DRICH1: variants seen among roughly 807,000 people sequenced by gnomAD.
DRICH1 encodes aspartate-rich protein 1.
A neutral mutation model predicts 39.5 loss-of-function variants in DRICH1; 38 were observed. The observed-to-expected ratio is 0.96, with a 90% confidence interval of 0.74 to 1.26. The LOEUF (loss-of-function observed/expected upper bound fraction) is 1.26. Ranked by LOEUF, DRICH1 falls within the 50% of genes most tolerant of loss-of-function variation. The pLI is 0.00. For synonymous variants in DRICH1, 84 were observed against 99.5 expected, an observed-to-expected ratio of 0.84 and a Z score of 0.93; for missense variants, 279 against 270.4, an observed-to-expected ratio of 1.03 and a Z score of -0.22.
At chr22:23,626,109 G>A (rs1293287582) in intron 1 of DRICH1, 61 bp from the exon 2 acceptor site, 10 of 1,177,110 alleles carry the variant, frequency 8.5e-6, no homozygotes, top group Non-Finnish European at 8.9e-6. Flanking sequence ...GTCCCTCAGG[G>A]AGCTTTGCTG....
the DRICH1 span, among the ~76,000 whole-genome samples, chr22:23,599,048 A>G: frequency 2.0e-5 from 3 of 152,220 alleles, no homozygotes; most frequent in African/African-American, 7.2e-5. Flanking sequence ...CACAGAATCC[A>G]TGAGTGGCTC....
chr22:23,622,168 C>T lies in DRICH1; in HGVS notation c.307G>A (p.Glu103Lys). The change falls in exon 4 of 12, where the codon GAG (glutamate) becomes AAG (lysine). Residue 103 changes from glutamate to lysine, a missense_variant. By Grantham distance (56) the Glu-to-Lys change is moderately conservative. Transcript: ENST00000317749. ...ILPSPVQGSS[E>K]DNLSLVCLPR... ...AGGCATACTAAACTCAGGTTGTCCT[C>T]AGAAGAACCTGGAAGGACACAGAGG... 5.0e-6 allele frequency: 8 copies of T among 1,613,902 alleles called. No individual in the cohort carries two copies. The highest frequency in any genetic ancestry group is 5.9e-6 in the Non-Finnish European group (7 of 1,179,804).
At chr22:23,619,993 T>C (rs1331013573) in intron 5 of DRICH1, among the ~76,000 whole-genome samples, 1 of 152,078 alleles carries the variant, frequency 6.6e-6, no homozygotes, top group African/African-American at 2.4e-5. Context: ...CACCAAAGAC[T>C]CTGAGATTTT....
At chr22:23,594,451 T>C in the DRICH1 span, among the ~76,000 whole-genome samples, 1 of 152,174 alleles carries the variant, frequency 6.6e-6, no homozygotes, top group Admixed American at 6.5e-5. Flanking sequence ...GTGCCTGTAA[T>C]CCCAGCTACT....
chr22:23,581,812 G>A, the DRICH1 span, among the ~76,000 whole-genome samples: 4 of 151,696 alleles, frequency 2.6e-5, no homozygotes, highest in Non-Finnish European at 5.9e-5. Context: ...CACCATGTTG[G>A]CCAGGCTGGT....
At chr22:23,584,371 T>C in the DRICH1 span, among the ~76,000 whole-genome samples, 2 of 152,202 alleles carry the variant, frequency 1.3e-5, no homozygotes, top group African/African-American at 4.8e-5. Context: ...TCCCCCATTC[T>C]GGCCTCCTGC....
At chr22:23,588,171 G>A in the DRICH1 span, among the ~76,000 whole-genome samples, 2 of 152,114 alleles carry the variant, frequency 1.3e-5, no homozygotes, top group Admixed American at 6.5e-5. Context: ...CTGTCACCCA[G>A]GCTGGAATGC....
chr22:23,619,326 C>T (rs1358183416), intron 6 of DRICH1, 38 bp downstream of exon 6: 1 of 780,074 alleles, frequency 1.3e-6, no homozygotes, highest in African/African-American at 1.7e-5. Context: ...CTCAGCATGA[C>T]TAACACACAA....
the DRICH1 span, chr22:23,581,448 G>A: frequency 6.6e-6 from 1 of 152,464 alleles, no homozygotes; most frequent in Non-Finnish European, 1.5e-5. Flanking sequence ...AAGAGTCTCA[G>A]GTTCCTCTCC....
At chr22:23,614,708 T>C (rs1194686268) in intron 8 of DRICH1, among the ~76,000 whole-genome samples, 2 of 152,248 alleles carry the variant, frequency 1.3e-5, no homozygotes, top group African/African-American at 2.4e-5. Context: ...TTCTTTTTCA[T>C]AGAGATCATT....
At chr22:23,628,499 G>A (rs1001329123) in intron 1 of DRICH1, among the ~76,000 whole-genome samples, 1 of 152,100 alleles carries the variant, frequency 6.6e-6, no homozygotes, top group Admixed American at 6.5e-5. Context: ...CTTGGGAGGT[G>A]GACGTTGCAG....
chr22:23,597,564 G>A, the DRICH1 span, among the ~76,000 whole-genome samples: 1 of 151,960 alleles, frequency 6.6e-6, no homozygotes, highest in Non-Finnish European at 1.5e-5. Flanking sequence ...TAAACTGTTG[G>A]TTGGGAGCCG....
At chr22:23,630,318 G>A (rs1017368573) in intron 1 of DRICH1, among the ~76,000 whole-genome samples, 18 of 152,152 alleles carry the variant, frequency 1.2e-4, no homozygotes, top group African/African-American at 4.1e-4. Context: ...TGACACGGTT[G>A]AGTAATGCAG....
downstream of DRICH1, among the ~76,000 whole-genome samples, chr22:23,606,088 T>A (rs1256908166): frequency 3.3e-4 from 48 of 144,566 alleles, no homozygotes; most frequent in East Asian, 7.2e-3. Flanking sequence ...AGACCCCACC[T>A]CAAAAAAAAA....
intron 1 of DRICH1, among the ~76,000 whole-genome samples, chr22:23,626,838 A>AC (rs11394175): frequency 0.99 from 150,117 of 152,206 alleles, 74,128 homozygotes; most frequent in Middle Eastern, 1. Context: ...TGAAGGAACC[A>AC]CTTTTAACTT....
At chr22:23,594,714 C>T in the DRICH1 span, among the ~76,000 whole-genome samples, 129,820 of 151,380 alleles carry the variant, frequency 0.86, 55,955 homozygotes, top group African/African-American at 0.96. Flanking sequence ...TAGAAACGAA[C>T]ATCTGGCCTT....
chr22:23,626,192 G>A (rs1233545958), intron 1 of DRICH1, 144 bp from the exon 2 acceptor site: 1 of 620,682 alleles, frequency 1.6e-6, no homozygotes, highest in Non-Finnish European at 2.9e-6. Flanking sequence ...CAAGTAGTGA[G>A]CATGAGGGAG....
chr22:23,631,216 G>A (rs1390910568), intron 1 of DRICH1, among the ~76,000 whole-genome samples: 2 of 151,998 alleles, frequency 1.3e-5, no homozygotes, highest in African/African-American at 2.4e-5. Flanking sequence ...TCAGGAGATC[G>A]AGACCATTCT....
intron 1 of DRICH1, among the ~76,000 whole-genome samples, chr22:23,626,505 T>C (rs918177113): frequency 2.0e-5 from 3 of 152,194 alleles, no homozygotes; most frequent in Admixed American, 6.5e-5. Context: ...GCCCTTTTCC[T>C]AGGTTCCAAA....
Sources: allele counts gnomAD v4.1 joint callset (sites outside exome capture counted in the v4.1 genomes callset), GRCh38; gene constraint gnomAD v4.1.1; transcripts MANE v1.5; gene names NCBI Gene and HGNC (gene_info 2026-07-23, HGNC 2026-07-21).